Variants in MTCL1 observed in about 807,000 individuals in gnomAD.
MTCL1 encodes microtubule cross-linking factor 1.
A neutral mutation model predicts 141.4 loss-of-function variants in MTCL1; 79 were observed. The ratio of observed to expected loss-of-function variants is 0.56; its 90% CI spans 0.47 to 0.67. The LOEUF is 0.67. Among genes scored for constraint, MTCL1 ranks in the 30% least tolerant of loss-of-function variants. The pLI is 0.00. For missense variants in MTCL1, 2,177 were observed against 2,113.9 expected (o/e 1.03, Z -0.59); for synonymous variants, 914 against 875.8 (o/e 1.04, Z -0.77).
intron 7 of MTCL1, among the ~76,000 whole-genome samples, chr18:8,792,552 AT>A (rs1247812912): frequency 6.6e-6 from 1 of 152,232 alleles, no homozygotes; most frequent in Non-Finnish European, 1.5e-5. Context: ...GAAAAAATTA[AT>A]TATGCAACAC....
At chr18:8,741,296 C>T (rs1819847140) in intron 4 of MTCL1, among the ~76,000 whole-genome samples, 1 of 152,202 alleles carries the variant, frequency 6.6e-6, no homozygotes, top group African/African-American at 2.4e-5. Context: ...TTTTCCCTGC[C>T]GTCCATGTGG....
intron 4 of MTCL1, among the ~76,000 whole-genome samples, chr18:8,747,763 C>T (rs1019426387): frequency 2.6e-5 from 4 of 152,224 alleles, no homozygotes; most frequent in African/African-American, 4.8e-5. Context: ...AAGGAAGTCT[C>T]GCTGGAATCT....
At chr18:8,723,592 T>C (rs2096187822) in intron 4 of MTCL1, among the ~76,000 whole-genome samples, 1 of 152,212 alleles carries the variant, frequency 6.6e-6, no homozygotes. Context: ...AGCCCTAGAC[T>C]GTTTTCAGCT....
exon 1 of MTCL1, chr18:8,706,655 A>G (rs1164216633): frequency 1.3e-6 from 2 of 1,545,374 alleles, no homozygotes; most frequent in Admixed American, 2.0e-5. Flanking sequence ...CCAGCGGCGG[A>G]GGAAGAAGAG....
At position 8,824,912 on chromosome 18, in the gene MTCL1, C is replaced by A. The variant is rs542464370; in HGVS notation, c.3402C>A (p.Asp1134Glu). 3.7e-6 allele frequency: 6 copies of A among 1,613,836 alleles called. 1 individual carries two copies. The South Asian group carries it at 6.6e-5, about 18-fold the overall frequency. ...GTGGGGGGCCGGACCTTTGGGCCGA[C>A]AGGACCGAGGTGGGGCGGGCAGGGC... The change falls in exon 15 of 17, where the codon GAC becomes GAA. Residue 1134 changes from aspartate (D) to glutamate (E), a missense_variant. By Grantham distance (45) the Asp-to-Glu change is conservative. Coordinates refer to ENST00000359865, the Ensembl canonical transcript of MTCL1.
intron 10 of MTCL1, among the ~76,000 whole-genome samples, chr18:8,805,956 G>A (rs2076284028): frequency 6.6e-6 from 1 of 152,160 alleles, no homozygotes; most frequent in Non-Finnish European, 1.5e-5. Context: ...TCATGGCTTT[G>A]AAATTTGACT....
At chr18:8,783,473 ACACGAACATTTGGTATTTT>A in intron 5 of MTCL1, 38 bp from the exon 5 acceptor site, 3 of 1,466,214 alleles carry the variant, frequency 2.0e-6, no homozygotes, top group Non-Finnish European at 2.7e-6. Context: ...ATCATGAAAA[ACACGAACATTTGGTATTTT>A]CAAATAACCC....
chr18:8,818,780 TA>T (rs1243646209), intron 12 of MTCL1, among the ~76,000 whole-genome samples, 182 bp from the exon 12 acceptor site: 2 of 152,030 alleles, frequency 1.3e-5, no homozygotes, highest in Non-Finnish European at 2.9e-5. Flanking sequence ...GTGGGTTTTG[TA>T]AAGCATCTGT....
chr18:8,771,821 A>G (rs1302665955), intron 4 of MTCL1, among the ~76,000 whole-genome samples: 1 of 152,198 alleles, frequency 6.6e-6, no homozygotes, highest in East Asian at 1.9e-4. Context: ...CTGGCAATTG[A>G]TCAGGCTAAA....
At chr18:8,763,180 C>T (rs2096441927) in intron 4 of MTCL1, among the ~76,000 whole-genome samples, 1 of 152,192 alleles carries the variant, frequency 6.6e-6, no homozygotes, top group Admixed American at 6.5e-5. Flanking sequence ...TTCTGTCTGG[C>T]TTCAGTTATG....
At chr18:8,823,035 AAGATAGAT>A (rs533874740) in intron 14 of MTCL1, among the ~76,000 whole-genome samples, 4 of 151,882 alleles carry the variant, frequency 2.6e-5, no homozygotes, top group African/African-American at 4.8e-5. Context: ...AAAAAAAAAA[AAGATAGAT>A]AGATAGATAG....
intron 4 of MTCL1, among the ~76,000 whole-genome samples, chr18:8,725,878 C>T (rs2096206874): frequency 1.3e-5 from 2 of 148,902 alleles, no homozygotes; most frequent in African/African-American, 2.5e-5. Context: ...CAAGCTCTGC[C>T]TCCCGGGTTC....
At chr18:8,826,331 A>C in intron 15 of MTCL1, 99 bp downstream of exon 14, 4 of 1,161,942 alleles carry the variant, frequency 3.4e-6, no homozygotes, top group Non-Finnish European at 4.7e-6. Context: ...ATTTGATCTC[A>C]GGAATCGTCC....
At chr18:8,764,731 C>T (rs201898229) in intron 4 of MTCL1, among the ~76,000 whole-genome samples, 106 of 152,324 alleles carry the variant, frequency 7.0e-4, no homozygotes, top group African/African-American at 2.1e-3. Flanking sequence ...CTTTTACCCA[C>T]GTAGCCTGGG....
At chr18:8,819,341 C>A in intron 13 of MTCL1, 82 bp downstream of exon 12, 1 of 1,450,822 alleles carries the variant, frequency 6.9e-7, no homozygotes, top group Non-Finnish European at 9.4e-7. Flanking sequence ...CTGCCAGATT[C>A]CTCTCCTGGC....
At chr18:8,831,332 C>G (rs2077185642) in intron 16 of MTCL1, 17 of 1,268,864 alleles carry the variant, frequency 1.3e-5, no homozygotes, top group Non-Finnish European at 1.6e-5. Context: ...TACCCCAGCC[C>G]AATTCTAAAG....
chr18:8,728,731 T>C (rs1210896160), intron 4 of MTCL1, among the ~76,000 whole-genome samples: 3 of 103,528 alleles, frequency 2.9e-5, no homozygotes, highest in Non-Finnish European at 5.7e-5. Context: ...TTTTTTTTTT[T>C]TTTTTTTTTT....
At chr18:8,817,789 A>G (rs2076707840) in intron 12 of MTCL1, among the ~76,000 whole-genome samples, 1 of 152,230 alleles carries the variant, frequency 6.6e-6, no homozygotes, top group Non-Finnish European at 1.5e-5. Context: ...TGCTTATTCA[A>G]AAGAGCAGTC....
chr18:8,832,051 TA>T, exon 17 of MTCL1: 1 of 559,008 alleles, frequency 1.8e-6, no homozygotes, highest in South Asian at 2.2e-5. Context: ...CCATCTTTTT[TA>T]CACACAGTAT....
Sources: allele counts gnomAD v4.1 joint callset (sites outside exome capture counted in the v4.1 genomes callset), GRCh38; gene constraint gnomAD v4.1.1; transcripts MANE v1.5; gene names NCBI Gene and HGNC (gene_info 2026-07-23, HGNC 2026-07-21).